RPS6KA2: variants seen among roughly 807,000 people sequenced by gnomAD.
RPS6KA2 encodes ribosomal protein S6 kinase alpha-2.
In RPS6KA2, 42 loss-of-function variants were observed where a neutral mutation model predicts 91.8. The ratio of observed to expected loss-of-function variants is 0.46; its 90% CI spans 0.36 to 0.59. The LOEUF (loss-of-function observed/expected upper bound fraction) is 0.59, where lower values mean the gene tolerates loss of function less well. RPS6KA2 is among the 20% of genes least tolerant of loss of function. The probability of loss-of-function intolerance (pLI) is 0.00; values close to 1 mark genes in which losing one functional copy is unlikely to be tolerated. For synonymous variants in RPS6KA2, 414 were observed against 393.6 expected, an observed-to-expected ratio of 1.05 and a Z score of -0.61; for missense variants, 798 against 978.5, an observed-to-expected ratio of 0.82 and a Z score of 2.46.
intron 20 of RPS6KA2, 108 bp downstream of exon 20, chr6:166,413,686 G>A (rs549332537): frequency 8.3e-7 from 1 of 1,203,988 alleles, no homozygotes; most frequent in East Asian, 2.4e-5. Context: ...GGCTGCTATG[G>A]GCTCTTTCTC....
chr6:166,583,528 C>T (rs1156382336), intron 1 of RPS6KA2, among the ~76,000 whole-genome samples: 2 of 152,202 alleles, frequency 1.3e-5, no homozygotes, highest in Admixed American at 6.5e-5. Context: ...TGAAACACTG[C>T]GGAAGTCATG....
At chr6:166,681,956 A>G (rs147883956) in intron 2 of RPS6KA2, among the ~76,000 whole-genome samples, 151 of 152,212 alleles carry the variant, frequency 9.9e-4, no homozygotes, top group African/African-American at 3.5e-3. Context: ...TCCCGCAGAG[A>G]TGACAGACAG....
intron 1 of RPS6KA2, among the ~76,000 whole-genome samples, chr6:166,558,149 GGAGAGAGA>G (rs71299768): frequency 6.7e-6 from 1 of 149,626 alleles, no homozygotes; most frequent in African/African-American, 2.5e-5. Context: ...ATGTATGTGG[GGAGAGAGA>G]GAGAGAGAGA....
chr6:166,760,719 A>T (rs1464386028), intron 2 of RPS6KA2, among the ~76,000 whole-genome samples: 1 of 152,242 alleles, frequency 6.6e-6, no homozygotes, highest in Non-Finnish European at 1.5e-5. Context: ...GGCAACGTGC[A>T]TGGATACTGA....
intron 1 of RPS6KA2, among the ~76,000 whole-genome samples, chr6:166,598,965 G>A (rs1017234576): frequency 1.2e-4 from 19 of 152,182 alleles, no homozygotes; most frequent in Admixed American, 3.3e-4. Flanking sequence ...GGCCCAGCCC[G>A]GCCTGTCTCA....
intron 2 of RPS6KA2, among the ~76,000 whole-genome samples, chr6:166,841,355 G>A (rs745595925): frequency 5.9e-5 from 9 of 152,258 alleles, no homozygotes; most frequent in Non-Finnish European, 1.2e-4. Flanking sequence ...CAGCTTCAGC[G>A]CTGACGCGTG....
At chr6:166,438,732 A>G (rs1779424476) in intron 14 of RPS6KA2, among the ~76,000 whole-genome samples, 1 of 152,244 alleles carries the variant, frequency 6.6e-6, no homozygotes, top group African/African-American at 2.4e-5. Flanking sequence ...ACAACAGGCC[A>G]AGAGAAAGAG....
chr6:166,455,593 A>T (rs1780076368), intron 12 of RPS6KA2, among the ~76,000 whole-genome samples: 2 of 152,236 alleles, frequency 1.3e-5, no homozygotes, highest in African/African-American at 4.8e-5. Context: ...AGACTAGCGA[A>T]GCGTCGTTAA....
chr6:166,702,378 C>T lies in RPS6KA2; in HGVS notation c.123+155822G>A, dbSNP rs1006739643. 1.6e-5 allele frequency: 26 copies of T among 1,609,018 alleles called. 1 individual carries two copies. The Admixed American group carries it at 2.8e-4, about 18-fold the overall frequency. The stretch of plus-strand genomic sequence containing the variant: ...GCCATTTCATCAGGGATATAGGCTA[C>T]TTTCAAGGTGAAATTCTCTAACTGA... On this transcript the variant is annotated intron_variant, in intron 2 of 21. Transcript: ENST00000503859.
chr6:166,858,881 T>C (rs1780977560), intron 1 of RPS6KA2, among the ~76,000 whole-genome samples: 1 of 152,238 alleles, frequency 6.6e-6, no homozygotes, highest in Non-Finnish European at 1.5e-5. Context: ...GCAGTGCTTC[T>C]GCCTAGAGAT....
intron 11 of RPS6KA2, among the ~76,000 whole-genome samples, chr6:166,468,376 TA>T (rs2128464209): frequency 6.6e-6 from 1 of 152,350 alleles, no homozygotes; most frequent in Admixed American, 6.5e-5. Context: ...GTCAGAACTG[TA>T]AAACTAGGTT....
At chr6:166,816,020 T>A (rs1268852379) in intron 2 of RPS6KA2, among the ~76,000 whole-genome samples, 2 of 152,046 alleles carry the variant, frequency 1.3e-5, no homozygotes, top group African/African-American at 4.8e-5. Context: ...AATAAGTAAG[T>A]CCAAAAAATA....
At chr6:166,451,051 C>A (rs1423644450) in intron 13 of RPS6KA2, 52 bp downstream of exon 13, 13 of 1,607,932 alleles carry the variant, frequency 8.1e-6, no homozygotes, top group Non-Finnish European at 9.4e-6. Flanking sequence ...CAGAGTCACC[C>A]ATCATCCAAG....
chr6:166,671,009 C>T (rs1361365955), intron 2 of RPS6KA2, among the ~76,000 whole-genome samples: 6 of 152,116 alleles, frequency 3.9e-5, no homozygotes, highest in South Asian at 2.1e-4. Flanking sequence ...GACAGGTTTT[C>T]GCCCCATTGG....
intron 2 of RPS6KA2, among the ~76,000 whole-genome samples, chr6:166,738,850 A>G (rs532184146): frequency 6.6e-6 from 1 of 152,342 alleles, no homozygotes; most frequent in East Asian, 1.9e-4. Context: ...CAGAGACATT[A>G]GAGGCCATCC....
Position 166,680,196 on chromosome 6 carries a change from G to T in RPS6KA2, c.124-141412C>A, listed in dbSNP as rs1011570146. ...CTAGCTAATCTGGTGGGGACTTGGA[G>T]AACTTTTGTGTCTAACTAAAGGATT... On this transcript the variant is annotated intron_variant, in intron 2 of 21. Coordinates refer to the RPS6KA2 transcript ENST00000503859. 1.2e-4 allele frequency among the ~76,000 whole-genome samples: 18 copies of T among 152,102 alleles called. No homozygotes were observed. The East Asian group carries it at 3.5e-3, about 29-fold the overall frequency.
chr6:166,461,079 G>A (rs1031018726), intron 11 of RPS6KA2, among the ~76,000 whole-genome samples: 2 of 152,082 alleles, frequency 1.3e-5, no homozygotes, highest in African/African-American at 2.4e-5. Flanking sequence ...AGACGCCCCC[G>A]AGCTCCCCCG....
chr6:166,498,589 C>A lies in RPS6KA2; in HGVS notation c.666G>T (p.Thr222=), dbSNP rs111715918. The change falls in exon 8 of 21, where the codon ACG becomes ACT. Residue 222 remains threonine (T), a synonymous_variant. Transcript: ENST00000265678. ...HDKRAYSFCG[T]IEYMAPEVVN... ...CCACCTCGGGCGCCATGTACTCGAT[C>A]GTCCCGCAGAAGGAGTACGCTCTCT... The A allele has an allele frequency of 6.2e-7, 1 of 1,613,754 alleles. No individual in the cohort carries two copies. The highest frequency in any genetic ancestry group is 1.3e-5 in the African/African-American group (1 of 74,894).
intron 1 of RPS6KA2, among the ~76,000 whole-genome samples, chr6:166,570,424 G>A (rs1046090880): frequency 3.9e-5 from 6 of 152,150 alleles, no homozygotes; most frequent in East Asian, 3.8e-4. Context: ...CAATGACAAC[G>A]CATTGATTTC....
Sources: gnomAD v4.1 joint callset for allele counts (sites outside exome capture counted in the v4.1 genomes callset) on GRCh38, gnomAD v4.1.1 for gene constraint, MANE v1.5 for transcripts, NCBI Gene and HGNC (gene_info 2026-07-23, HGNC 2026-07-21) for gene names.